CUL1: variants seen among roughly 807,000 people sequenced by gnomAD.
The protein encoded by CUL1 is cullin-1.
A neutral mutation model predicts 118.0 loss-of-function variants in CUL1; 24 were observed. That is an observed-to-expected ratio of 0.20 (90% confidence interval 0.15 to 0.29). The LOEUF (loss-of-function observed/expected upper bound fraction) is 0.29, where lower values mean the gene tolerates loss of function less well. Among genes scored for constraint, CUL1 ranks in the 10% least tolerant of loss-of-function variants. The probability of loss-of-function intolerance (pLI) is 1.00; values close to 1 mark genes in which losing one functional copy is unlikely to be tolerated. For synonymous variants in CUL1, 332 were observed against 340.4 expected, an observed-to-expected ratio of 0.98 and a Z score of 0.27; for missense variants, 361 against 933.8, an observed-to-expected ratio of 0.39 and a Z score of 7.99.
intron 7 of CUL1, among the ~76,000 whole-genome samples, chr7:148,765,302 AT>A (rs751109124): frequency 6.6e-6 from 1 of 152,024 alleles, no homozygotes; most frequent in Non-Finnish European, 1.5e-5. Flanking sequence ...TACCAGTTGA[AT>A]TTTTCCAGAT....
intron 1 of CUL1, among the ~76,000 whole-genome samples, chr7:148,728,928 T>C (rs1798669370): frequency 6.6e-6 from 1 of 152,222 alleles, no homozygotes; most frequent in African/African-American, 2.4e-5. Flanking sequence ...AGCCTCATTG[T>C]TCCAGATCTC....
chr7:148,740,768 TATA>T (rs1407081208), intron 2 of CUL1, among the ~76,000 whole-genome samples: 1 of 152,044 alleles, frequency 6.6e-6, no homozygotes, highest in Non-Finnish European at 1.5e-5. Flanking sequence ...TTGGTGTCCT[TATA>T]AGAAGAGGAA....
At chr7:148,712,899 A>G (rs1798094969) in intron 1 of CUL1, among the ~76,000 whole-genome samples, 1 of 152,138 alleles carries the variant, frequency 6.6e-6, no homozygotes, top group South Asian at 2.1e-4. Flanking sequence ...CTCTTGAATT[A>G]TTTCTTTAGT....
At chr7:148,733,969 A>G (rs373046033) in intron 2 of CUL1, among the ~76,000 whole-genome samples, 2 of 152,126 alleles carry the variant, frequency 1.3e-5, no homozygotes, top group South Asian at 2.1e-4. Flanking sequence ...ATTATACAGC[A>G]TAAATATTTA....
At chr7:148,705,971 C>T (rs938858737) in intron 1 of CUL1, among the ~76,000 whole-genome samples, 4 of 152,178 alleles carry the variant, frequency 2.6e-5, no homozygotes, top group African/African-American at 9.7e-5. Context: ...AATCCTAAAT[C>T]CTCCAGAATC....
At chr7:148,739,612 C>G (rs893792690) in intron 2 of CUL1, among the ~76,000 whole-genome samples, 1 of 152,076 alleles carries the variant, frequency 6.6e-6, no homozygotes, top group Admixed American at 6.6e-5. Context: ...AGTTTTAGTT[C>G]TTTATATGTC....
At chr7:148,711,633 A>T (rs960208183) in intron 1 of CUL1, among the ~76,000 whole-genome samples, 6 of 152,114 alleles carry the variant, frequency 3.9e-5, no homozygotes, top group Non-Finnish European at 8.8e-5. Context: ...AGGGAAAATT[A>T]CTGATCAGAG....
intron 1 of CUL1, among the ~76,000 whole-genome samples, chr7:148,719,078 G>A (rs951592258): frequency 2.5e-4 from 38 of 152,104 alleles, no homozygotes; most frequent in African/African-American, 8.4e-4. Context: ...TTGGGAGGCC[G>A]AGGCGGGCGG....
chr7:148,755,802 C>T (rs1799635276), intron 3 of CUL1, among the ~76,000 whole-genome samples: 1 of 152,198 alleles, frequency 6.6e-6, no homozygotes, highest in African/African-American at 2.4e-5. Context: ...TTATTTGTCT[C>T]AAGAGATGAT....
At chr7:148,732,448 T>C (rs538650907) in intron 2 of CUL1, among the ~76,000 whole-genome samples, 2 of 150,786 alleles carry the variant, frequency 1.3e-5, no homozygotes, top group Non-Finnish European at 1.5e-5. Flanking sequence ...GCTTAAACGA[T>C]CCTCCCATCT....
At chr7:148,738,831 T>C (rs900432796) in intron 2 of CUL1, among the ~76,000 whole-genome samples, 4 of 152,250 alleles carry the variant, frequency 2.6e-5, no homozygotes, top group Non-Finnish European at 4.4e-5. Flanking sequence ...TAAGAATAAC[T>C]TTAGATGTGA....
chr7:148,783,662 C>T (rs1800728017), intron 9 of CUL1, 121 bp from the exon 10 acceptor site: 1 of 1,556,770 alleles, frequency 6.4e-7, no homozygotes, highest in African/African-American at 1.4e-5. Flanking sequence ...TATCTCTTAA[C>T]TTTGAAAAGG....
intron 20 of CUL1, 49 bp from the exon 21 acceptor site, chr7:148,799,226 C>T (rs1010297207): frequency 2.8e-6 from 4 of 1,420,546 alleles, no homozygotes; most frequent in African/African-American, 1.4e-5. Flanking sequence ...ATCAATACAA[C>T]GTTGTTACAG....
chr7:148,796,753 C>A (rs1012240088), intron 17 of CUL1, among the ~76,000 whole-genome samples: 1 of 152,080 alleles, frequency 6.6e-6, no homozygotes, highest in African/African-American at 2.4e-5. Context: ...GCTGCCGCTG[C>A]TCTCTCCTTT....
intron 17 of CUL1, among the ~76,000 whole-genome samples, chr7:148,794,602 G>A (rs1801122784): frequency 6.6e-6 from 1 of 152,160 alleles, no homozygotes; most frequent in Non-Finnish European, 1.5e-5. Flanking sequence ...TCTACAAAAA[G>A]TGCAGTTGAG....
rs145136066 is a variant in CUL1, at chr7:148,743,197, T to G, written c.141-10779T>G. On this transcript the variant is annotated intron_variant, in intron 2 of 21. Transcript: ENST00000325222. The stretch of plus-strand genomic sequence containing the variant: ...TCAGTGGCCCAGAAAATAGCCTATC[T>G]TGGTGAATGTGCCATGTACTCTTGA... Among the ~76,000 whole-genome samples, 644 of 152,328 alleles carry G rather than the reference T, an allele frequency of 4.2e-3. 7 individuals carry two copies. The highest frequency in any genetic ancestry group is 0.015 in the African/African-American group (606 of 41,570).
rs746031751 is a variant in CUL1 at position 148,798,553 on chromosome 7, T to TAAC, written c.2031-19_2031-18insAAC. The TAAC allele has an allele frequency of 3.8e-6, 6 of 1,572,078 alleles. No homozygotes were observed. In the African/African-American group the frequency reaches 8.1e-5, roughly 21 times the overall value. On this transcript the variant is annotated intron_variant, in intron 19 of 21. Coordinates refer to ENST00000325222, the MANE Select transcript of CUL1 (RefSeq NM_003592.3). The stretch of plus-strand genomic sequence containing the variant: ...CCTTTTAATATAATAGTGATCGGTT[T>TAAC]CCTCATTTTTCTTGATAGTAAGAAA...
intron 9 of CUL1, among the ~76,000 whole-genome samples, chr7:148,781,126 G>T (rs2129462299): frequency 8.2e-6 from 1 of 122,386 alleles, no homozygotes; most frequent in Admixed American, 1.1e-4. Flanking sequence ...CCGTCACCTG[G>T]GCTGGAATGC....
chr7:148,725,339 G>A (rs1430275858), intron 1 of CUL1, among the ~76,000 whole-genome samples: 2 of 152,088 alleles, frequency 1.3e-5, no homozygotes, highest in African/African-American at 4.8e-5. Flanking sequence ...ACACCCAGAT[G>A]CCCCTTCAAG....
Sources: gnomAD v4.1 joint callset for allele counts (sites outside exome capture counted in the v4.1 genomes callset) on GRCh38, gnomAD v4.1.1 for gene constraint, MANE v1.5 for transcripts, NCBI Gene and HGNC (gene_info 2026-07-23, HGNC 2026-07-21) for gene names.